The following FAM222A variants were observed in gnomAD, a reference collection of about 807,000 sequenced individuals.
FAM222A encodes family with sequence similarity 222 member A, also known as protein FAM222A.
FAM222A carries 7 observed loss-of-function variants against 25.8 expected under a neutral mutation model. The ratio of observed to expected loss-of-function variants is 0.27; its 90% CI spans 0.15 to 0.51. The LOEUF (loss-of-function observed/expected upper bound fraction) is 0.51. Among genes scored for constraint, FAM222A ranks in the 20% least tolerant of loss-of-function variants. The probability of loss-of-function intolerance (pLI) is 0.97; values close to 1 mark genes in which losing one functional copy is unlikely to be tolerated. For missense variants in FAM222A, 573 were observed against 640.5 expected, an observed-to-expected ratio of 0.89 and a Z score of 1.14; for synonymous variants, 294 against 298.8, an observed-to-expected ratio of 0.98 and a Z score of 0.17.
In FAM222A at chr12:109,737,602, G is replaced by A. The variant is rs552054116; in HGVS notation, c.-46-6499G>A. 5.2e-4 allele frequency among the ~76,000 whole-genome samples: 78 copies of A among 150,838 alleles called. 1 individual carries two copies. In the South Asian group the frequency reaches 0.015, roughly 28 times the overall value. ...CCCAACCTTAAAAAAAAAAAAAAAA[G>A]GTAAAAATCCCCTTCTGGTGCTGAG... is the stretch of plus-strand genomic sequence containing the variant. On this transcript the variant is annotated intron_variant, in intron 1 of 2. Transcript: ENST00000538780.
intron 1 of FAM222A, among the ~76,000 whole-genome samples, chr12:109,726,690 G>A (rs916671922): frequency 1.3e-4 from 20 of 152,320 alleles, no homozygotes; most frequent in African/African-American, 4.8e-4. Flanking sequence ...GGACCTTGCC[G>A]GGTGGAGGGT....
chr12:109,743,126 A>G (rs1888290093), intron 1 of FAM222A, among the ~76,000 whole-genome samples: 1 of 151,984 alleles, frequency 6.6e-6, no homozygotes, highest in South Asian at 2.1e-4. Context: ...TCCGGGGTTG[A>G]GCTCACCCTG....
chr12:109,731,416 G>A (rs748793791), intron 1 of FAM222A, among the ~76,000 whole-genome samples: 6 of 152,236 alleles, frequency 3.9e-5, no homozygotes, highest in Middle Eastern at 3.4e-3. Flanking sequence ...GACCTAGTTC[G>A]CATCCAGATC....
rs771661358 is a variant in FAM222A at position 109,737,772 on chromosome 12, C to T, written c.-46-6329C>T. ...GAGAGGGGTTAAAGAAAATTACCCT[C>T]GCCTCCTCCATGCTAATGTAATCTC... On this transcript the variant is annotated intron_variant, in intron 1 of 2. Coordinates refer to ENST00000538780, the MANE Select transcript of FAM222A (RefSeq NM_032829.3). 1.8e-4 allele frequency among the ~76,000 whole-genome samples: 27 copies of T among 152,222 alleles called. 1 individual carries two copies. Among genetic ancestry groups the T allele is most frequent in the Admixed American group, 5.9e-4 (9 of 15,296 alleles).
intron 2 of FAM222A, among the ~76,000 whole-genome samples, chr12:109,760,700 TCTG>T (rs1888866656): frequency 6.6e-6 from 1 of 152,200 alleles, no homozygotes; most frequent in African/African-American, 2.4e-5. Context: ...TCTGACCTCT[TCTG>T]AAGCACGGGG....
intron 2 of FAM222A, among the ~76,000 whole-genome samples, chr12:109,751,614 C>T (rs1888561568): frequency 6.6e-6 from 1 of 152,166 alleles, no homozygotes; most frequent in Non-Finnish European, 1.5e-5. Flanking sequence ...GCTTATTTAT[C>T]CTCTTTTTCC....
intron 1 of FAM222A, among the ~76,000 whole-genome samples, chr12:109,721,692 T>A (rs767576748): frequency 3.9e-5 from 6 of 152,192 alleles, no homozygotes; most frequent in Non-Finnish European, 7.3e-5. Flanking sequence ...CAGGTTGTTC[T>A]TAAGCCACAA....
rs186560232 is a variant in FAM222A at position 109,717,317 on chromosome 12, C to T, written c.-47+2420C>T. Among the ~76,000 whole-genome samples the T allele has an allele frequency of 2.7e-3, 415 of 152,346 alleles. 1 individual carries two copies. The highest frequency in any genetic ancestry group is 9.3e-3 in the African/African-American group (387 of 41,570). The stretch of plus-strand genomic sequence containing the variant: ...GGGAAAGAAGGTGTAGCTTGAAACT[C>T]GCTCCTTGTCACCTGCCCTTCTGGG... On this transcript the variant is annotated intron_variant, in intron 1 of 2. Coordinates refer to ENST00000538780, the MANE Select transcript of FAM222A (RefSeq NM_032829.3).
At chr12:109,758,227 T>C (rs887504885) in intron 2 of FAM222A, among the ~76,000 whole-genome samples, 3 of 152,126 alleles carry the variant, frequency 2.0e-5, no homozygotes, top group African/African-American at 7.2e-5. Context: ...TGTGTGCACA[T>C]GTTAGAGAAT....
intron 1 of FAM222A, among the ~76,000 whole-genome samples, chr12:109,727,575 T>A (rs1160141795): frequency 1.3e-5 from 2 of 152,156 alleles, no homozygotes; most frequent in Admixed American, 1.3e-4. Context: ...CCAGCCACCC[T>A]TCAGGCAAGG....
At chr12:109,720,065 T>C in intron 1 of FAM222A, 1 of 984,462 alleles carries the variant, frequency 1.0e-6, no homozygotes. Flanking sequence ...AGCTTGCATG[T>C]GCATAGTGCT....
At chr12:109,758,988 C>T (rs1181184407) in intron 2 of FAM222A, among the ~76,000 whole-genome samples, 2 of 152,228 alleles carry the variant, frequency 1.3e-5, no homozygotes, top group African/African-American at 4.8e-5. Flanking sequence ...TTTCACTCTC[C>T]CCTCTCCTAT....
intron 1 of FAM222A, among the ~76,000 whole-genome samples, chr12:109,737,855 A>G (rs1038955325): frequency 6.6e-6 from 1 of 152,158 alleles, no homozygotes; most frequent in African/African-American, 2.4e-5. Context: ...TTTAATTATT[A>G]ACAGGGTCCC....
intron 1 of FAM222A, among the ~76,000 whole-genome samples, chr12:109,730,864 C>A (rs1231075711): frequency 6.6e-6 from 1 of 152,154 alleles, no homozygotes; most frequent in African/African-American, 2.4e-5. Flanking sequence ...CCTCCTCCCC[C>A]GCTGCTGTGT....
chr12:109,769,033 G>A lies in FAM222A; in HGVS notation c.1104G>A (p.Val368=), dbSNP rs757212077. The change falls in exon 3 of 3, where the codon GTG becomes GTA. Residue 368 remains valine (V), a synonymous_variant. Coordinates refer to ENST00000538780, the MANE Select transcript of FAM222A (RefSeq NM_032829.3). Reference sequence around the variant, plus strand: ...GCTACAACCCAGCGGCGGCGGTGGTGGTCACGGAGCTGGGGCCGGGGGCAG... The same window carrying A: ...GCTACAACCCAGCGGCGGCGGTGGTAGTCACGGAGCTGGGGCCGGGGGCAG... ...SDCYNPAAAV[V]VTELGPGAAR... The A allele has an allele frequency of 6.3e-7, 1 of 1,584,220 alleles. No homozygotes were observed. Among genetic ancestry groups the A allele is most frequent in the South Asian group, 1.1e-5 (1 of 88,090 alleles).
Position 109,768,746 on chromosome 12 carries a change from G to A in FAM222A, c.817G>A (p.Ala273Thr), listed in dbSNP as rs759726487. 1.8e-5 allele frequency: 28 copies of A among 1,577,258 alleles called. No individual in the cohort carries two copies. Among genetic ancestry groups the A allele is most frequent in the Middle Eastern group, 1.9e-4 (1 of 5,376 alleles). Residue 273 changes from alanine (A) to threonine (T), a missense_variant, in exon 3 of 3, where the codon GCC (alanine) becomes ACC (threonine). This residue lies in a region of FAM222A where 412 missense variants were observed against 407.0 expected (regional missense o/e 1.01). Transcript: ENST00000538780. ...ATQALTLAGA[A>T]KPAGYADSGL... ...CCAAGCCTTGACGTTGGCTGGGGCC[G>A]CCAAGCCTGCAGGGTACGCAGACAG...
intron 2 of FAM222A, among the ~76,000 whole-genome samples, chr12:109,761,064 A>G (rs938970658): frequency 6.6e-6 from 1 of 152,232 alleles, no homozygotes; most frequent in Non-Finnish European, 1.5e-5. Flanking sequence ...AGAACCTCCC[A>G]GGTCAGCAGC....
chr12:109,725,882 A>G (rs1321943335), intron 1 of FAM222A, among the ~76,000 whole-genome samples: 1 of 151,640 alleles, frequency 6.6e-6, no homozygotes, highest in Non-Finnish European at 1.5e-5. Context: ...TAAAAGGGAA[A>G]CTCCACAGTG....
At chr12:109,732,573 G>A (rs926512477) in intron 1 of FAM222A, among the ~76,000 whole-genome samples, 1 of 152,256 alleles carries the variant, frequency 6.6e-6, no homozygotes, top group Non-Finnish European at 1.5e-5. Context: ...CAGGCAATCG[G>A]GCCCGTCGCT....
Sources: gnomAD v4.1 joint callset for allele counts (sites outside exome capture counted in the v4.1 genomes callset) on GRCh38, gnomAD v4.1.1 for gene constraint, gnomAD v4.1.1 regional missense constraint, MANE v1.5 for transcripts, NCBI Gene and HGNC (gene_info 2026-07-23, HGNC 2026-07-21) for gene names.